Variants in LINC01488 observed in about 807,000 individuals in gnomAD.
LINC01488 encodes long independently transcribed non-coding RNA 1488.
intron 1 of LINC01488, among the ~76,000 whole-genome samples, chr11:69,483,237 G>A (rs910927231): frequency 2.6e-5 from 4 of 152,158 alleles, no homozygotes; most frequent in African/African-American, 9.7e-5. Flanking sequence ...TCAGGACTCC[G>A]AGTCCTCTGC....
At chr11:69,486,462 C>T (rs1857120164) in intron 1 of LINC01488, among the ~76,000 whole-genome samples, 1 of 152,204 alleles carries the variant, frequency 6.6e-6, no homozygotes, top group Admixed American at 6.5e-5. Context: ...CTTGTGATTC[C>T]AAAACCAGGT....
At chr11:69,487,416 G>C (rs1300796626) in intron 1 of LINC01488, among the ~76,000 whole-genome samples, 1 of 152,210 alleles carries the variant, frequency 6.6e-6, no homozygotes, top group African/African-American at 2.4e-5. Flanking sequence ...CCCTCTCTGT[G>C]GCCCATTTTC....
exon 4 of LINC01488, chr11:69,492,388 T>C (rs1005182396): frequency 3.9e-5 from 6 of 152,258 alleles, no homozygotes; most frequent in African/African-American, 1.4e-4. Context: ...GGCATGAAGG[T>C]TAAGGACCCT....
At chr11:69,482,554 AGTAGG>A (rs1857059204) in intron 1 of LINC01488, among the ~76,000 whole-genome samples, 1 of 144,206 alleles carries the variant, frequency 6.9e-6, no homozygotes, top group Non-Finnish European at 1.5e-5. Flanking sequence ...TGGATGGATG[AGTAGG>A]TGGATGGATG....
At chr11:69,488,818 T>G (rs1172274200) in intron 1 of LINC01488, among the ~76,000 whole-genome samples, 3 of 152,064 alleles carry the variant, frequency 2.0e-5, no homozygotes, top group African/African-American at 7.2e-5. Flanking sequence ...CCGATTTGAG[T>G]GCCGGGGGCA....
intron 1 of LINC01488, among the ~76,000 whole-genome samples, chr11:69,483,572 G>T (rs921528752): frequency 2.0e-5 from 3 of 152,172 alleles, no homozygotes; most frequent in Non-Finnish European, 4.4e-5. Flanking sequence ...ACAGCGTCGG[G>T]ACTTGTCTGT....
At chr11:69,483,673 G>A (rs1857070088) in intron 1 of LINC01488, among the ~76,000 whole-genome samples, 1 of 152,198 alleles carries the variant, frequency 6.6e-6, no homozygotes, top group Non-Finnish European at 1.5e-5. Flanking sequence ...CTTAGCAGAG[G>A]CTGCTGGCCA....
chr11:69,487,365 C>T (rs989188418), intron 1 of LINC01488, among the ~76,000 whole-genome samples: 1 of 152,190 alleles, frequency 6.6e-6, no homozygotes, highest in Non-Finnish European at 1.5e-5. Flanking sequence ...AAAAATCACT[C>T]GCGGGAACAA....
At chr11:69,486,223 A>G (rs1195834401) in intron 1 of LINC01488, 1 of 152,234 alleles carries the variant, frequency 6.6e-6, no homozygotes, top group Non-Finnish European at 1.5e-5. Context: ...TAGCATCCCC[A>G]GGGACTTGAG....
chr11:69,491,626 C>T (rs1857221908), intron 3 of LINC01488: 1 of 152,630 alleles, frequency 6.6e-6, no homozygotes, highest in Non-Finnish European at 1.5e-5. Context: ...TATGCTAGCC[C>T]TGTGTTCTGT....
chr11:69,492,243 G>C (rs4980662), exon 4 of LINC01488: 67,414 of 151,998 alleles, frequency 0.44, 15,366 homozygotes, highest in Non-Finnish European at 0.49. Flanking sequence ...GAGCCAGCAG[G>C]GTTCTGAACT....
At chr11:69,484,286 C>T (rs1857080735) in intron 1 of LINC01488, among the ~76,000 whole-genome samples, 1 of 152,186 alleles carries the variant, frequency 6.6e-6, no homozygotes, top group Non-Finnish European at 1.5e-5. Flanking sequence ...TGAGAGGACA[C>T]AGAGGCTCTG....
chr11:69,483,391 G>C (rs950176873), intron 1 of LINC01488, among the ~76,000 whole-genome samples: 2 of 152,128 alleles, frequency 1.3e-5, no homozygotes, highest in African/African-American at 4.8e-5. Flanking sequence ...TGGACTTCAG[G>C]TTCCTTCTCT....
intron 1 of LINC01488, among the ~76,000 whole-genome samples, chr11:69,489,429 C>G (rs1019958006): frequency 6.6e-6 from 1 of 152,244 alleles, no homozygotes; most frequent in African/African-American, 2.4e-5. Context: ...CAGTGCAGGC[C>G]GCAGTGTCCT....
intron 1 of LINC01488, among the ~76,000 whole-genome samples, chr11:69,484,913 G>C (rs1212674710): frequency 6.6e-6 from 1 of 152,236 alleles, no homozygotes; most frequent in Non-Finnish European, 1.5e-5. Flanking sequence ...TGAAGGCAGA[G>C]AATCTTCTAG....
chr11:69,488,064 C>T (rs975441174), intron 1 of LINC01488: 1 of 152,426 alleles, frequency 6.6e-6, no homozygotes, highest in Non-Finnish European at 1.5e-5. Context: ...CATGCCACCC[C>T]TCAACCCTGA....
At chr11:69,484,694 C>A (rs895820894) in intron 1 of LINC01488, among the ~76,000 whole-genome samples, 1 of 152,248 alleles carries the variant, frequency 6.6e-6, no homozygotes, top group African/African-American at 2.4e-5. Flanking sequence ...CGCTGGCCCA[C>A]GCAGCTGCTG....
chr11:69,482,435 G>GATGGACGAGTGGATGGATGA (rs1407685543), intron 1 of LINC01488, among the ~76,000 whole-genome samples: 3 of 152,058 alleles, frequency 2.0e-5, no homozygotes, highest in Non-Finnish European at 4.4e-5. Flanking sequence ...TGAGTGGATG[G>GATGGACGAGTGGATGGATGA]ATGGACGAGT....
intron 1 of LINC01488, among the ~76,000 whole-genome samples, chr11:69,484,165 T>C (rs1302234206): frequency 6.6e-6 from 1 of 152,164 alleles, no homozygotes; most frequent in Non-Finnish European, 1.5e-5. Context: ...ACCTGCGTTC[T>C]GCAGCTTCGA....
Sources: allele counts gnomAD v4.1 joint callset (sites outside exome capture counted in the v4.1 genomes callset), GRCh38; gene constraint gnomAD v4.1.1; transcripts MANE v1.5; gene names NCBI Gene and HGNC (gene_info 2026-07-23, HGNC 2026-07-21).